Variants in STXBP4 observed in about 807,000 individuals in gnomAD.
The protein encoded by STXBP4 is syntaxin binding protein 4.
STXBP4 carries 55 observed loss-of-function variants against 76.1 expected under a neutral mutation model. The ratio of observed to expected loss-of-function variants is 0.72; its 90% CI spans 0.58 to 0.91. The LOEUF (loss-of-function observed/expected upper bound fraction) is 0.91, where lower values mean the gene tolerates loss of function less well. STXBP4 is among the 40% of genes least tolerant of loss of function. The probability of loss-of-function intolerance (pLI) is 0.00; values close to 1 mark genes in which losing one functional copy is unlikely to be tolerated. For synonymous variants in STXBP4, 201 were observed against 220.2 expected (o/e 0.91, Z 0.77); for missense variants, 618 against 636.9 (o/e 0.97, Z 0.32).
At chr17:55,014,816 C>G (rs116250785) in intron 8 of STXBP4, among the ~76,000 whole-genome samples, 5,186 of 152,226 alleles carry the variant, frequency 0.034, 281 homozygotes, top group African/African-American at 0.12. Flanking sequence ...GTAGGCCACA[C>G]TGGAAGCAAG....
chr17:55,062,164 C>T (rs966658705), intron 12 of STXBP4, among the ~76,000 whole-genome samples: 2 of 151,684 alleles, frequency 1.3e-5, no homozygotes, highest in Non-Finnish European at 2.9e-5. Context: ...TAGGTATACA[C>T]GTGCCATGGT....
At chr17:55,177,052 C>T (rs1351948276), downstream of STXBP4, among the ~76,000 whole-genome samples, 1 of 152,036 alleles carries the variant, frequency 6.6e-6, no homozygotes, top group Non-Finnish European at 1.5e-5. Context: ...TCCTGGTTCT[C>T]CAGCTTACAG....
chr17:55,193,445 T>C, the STXBP4 span, among the ~76,000 whole-genome samples: 1 of 152,112 alleles, frequency 6.6e-6, no homozygotes, highest in Non-Finnish European at 1.5e-5. Context: ...CTGACATCAA[T>C]TCTCATCATG....
chr17:55,055,523 C>T (rs1218829007), intron 12 of STXBP4, among the ~76,000 whole-genome samples: 1 of 152,188 alleles, frequency 6.6e-6, no homozygotes, highest in Non-Finnish European at 1.5e-5. Flanking sequence ...CACTCCCATA[C>T]TGTCTAATCT....
chr17:54,980,692 T>C (rs1567869469), intron 1 of STXBP4, among the ~76,000 whole-genome samples: 1 of 152,222 alleles, frequency 6.6e-6, no homozygotes, highest in Non-Finnish European at 1.5e-5. Flanking sequence ...CTCTCATCCT[T>C]TTGTGGAGAG....
chr17:55,103,797 T>C (rs988523771), intron 16 of STXBP4, among the ~76,000 whole-genome samples: 1 of 152,190 alleles, frequency 6.6e-6, no homozygotes, highest in Non-Finnish European at 1.5e-5. Context: ...TTGTGTCCTC[T>C]AATTTCCTTG....
At chr17:55,209,327 G>A in the STXBP4 span, among the ~76,000 whole-genome samples, 1 of 152,254 alleles carries the variant, frequency 6.6e-6, no homozygotes, top group Non-Finnish European at 1.5e-5. Flanking sequence ...AGAAGAGTAG[G>A]TCTTCTCTGT....
intron 12 of STXBP4, among the ~76,000 whole-genome samples, chr17:55,067,194 C>T (rs73323266): frequency 6.7e-4 from 102 of 152,188 alleles, no homozygotes; most frequent in African/African-American, 2.4e-3. Context: ...CTAATTTGGG[C>T]AGTCAAGACC....
intron 4 of STXBP4, among the ~76,000 whole-genome samples, chr17:54,997,653 G>A (rs1266578799): frequency 6.8e-6 from 1 of 147,082 alleles, no homozygotes; most frequent in Non-Finnish European, 1.5e-5. Context: ...TGCCCAGGCT[G>A]GAGAGCAGTG....
intron 8 of STXBP4, among the ~76,000 whole-genome samples, chr17:55,018,005 G>A (rs11079151): frequency 0.35 from 53,680 of 151,906 alleles, 10,547 homozygotes; most frequent in East Asian, 0.54. Flanking sequence ...ATGTTACTGG[G>A]GGTCCTTGCT....
intron 3 of STXBP4, among the ~76,000 whole-genome samples, chr17:54,990,378 A>G (rs1353042683): frequency 1.3e-5 from 2 of 152,118 alleles, no homozygotes; most frequent in African/African-American, 2.4e-5. Context: ...TTCAATGCTC[A>G]TAGGAGCATG....
At chr17:55,080,888 T>C (rs1329031202) in intron 15 of STXBP4, among the ~76,000 whole-genome samples, 162 bp from the exon 16 acceptor site, 1 of 152,140 alleles carries the variant, frequency 6.6e-6, no homozygotes. Flanking sequence ...AAAACAGAAA[T>C]ATTGTTTTAT....
chr17:55,175,000 C>A (rs527943040), downstream of STXBP4, among the ~76,000 whole-genome samples: 1 of 151,550 alleles, frequency 6.6e-6, no homozygotes, highest in Non-Finnish European at 1.5e-5. Flanking sequence ...CTTCAGCCTG[C>A]GACAGAGCGA....
downstream of STXBP4, among the ~76,000 whole-genome samples, chr17:55,178,575 A>G (rs778467332): frequency 1.6e-4 from 24 of 152,240 alleles, no homozygotes; most frequent in Non-Finnish European, 3.1e-4. Context: ...CAGAGAACCA[A>G]TAGGAGATAT....
At chr17:55,004,312 A>T (rs138228602) in intron 7 of STXBP4, among the ~76,000 whole-genome samples, 2 of 152,334 alleles carry the variant, frequency 1.3e-5, no homozygotes, top group African/African-American at 4.8e-5. Context: ...GGGGAAAAAT[A>T]TCCATTCAGA....
In STXBP4 at chr17:55,094,313, G is replaced by A. The variant is rs77865222; in HGVS notation, c.1489+13130G>A. 3.4e-3 allele frequency among the ~76,000 whole-genome samples: 516 copies of A among 152,102 alleles called. 12 individuals carry two copies. The highest frequency in any genetic ancestry group is 0.025 in the East Asian group (131 of 5,168). ...GAGTTTGGATTTTATTTTAAGTGTC[G>A]TAGGAAGGCACAAGGAGTAACATGA... On this transcript the variant is annotated intron_variant, in intron 16 of 17. Transcript: ENST00000376352.
intron 16 of STXBP4, among the ~76,000 whole-genome samples, chr17:55,122,567 T>C (rs1354455987): frequency 6.6e-6 from 1 of 152,236 alleles, no homozygotes; most frequent in Non-Finnish European, 1.5e-5. Flanking sequence ...CATTTTATGT[T>C]TACTTTATAT....
At chr17:55,087,477 G>A (rs1165624301) in intron 16 of STXBP4, among the ~76,000 whole-genome samples, 1 of 152,084 alleles carries the variant, frequency 6.6e-6, no homozygotes, top group East Asian at 1.9e-4. Context: ...TGGATATCCA[G>A]TTTTTCCAGT....
chr17:55,090,182 T>G (rs529139270), intron 16 of STXBP4, among the ~76,000 whole-genome samples: 1 of 152,134 alleles, frequency 6.6e-6, no homozygotes, highest in South Asian at 2.1e-4. Flanking sequence ...CTCTTTTTTA[T>G]CTTAGTGAGT....
Sources: allele counts gnomAD v4.1 joint callset (sites outside exome capture counted in the v4.1 genomes callset), GRCh38; gene constraint gnomAD v4.1.1; transcripts MANE v1.5; gene names NCBI Gene and HGNC (gene_info 2026-07-23, HGNC 2026-07-21).